Variants in NPAS3 observed in about 807,000 individuals in gnomAD.
NPAS3 encodes the protein neuronal PAS domain protein 3.
Under a neutral mutation model 73.1 loss-of-function variants are expected in NPAS3, and 14 were observed. The observed-to-expected ratio is 0.19, with a 90% confidence interval of 0.13 to 0.30. The LOEUF (loss-of-function observed/expected upper bound fraction) is 0.30, where lower values mean the gene tolerates loss of function less well. Ranked by LOEUF, NPAS3 falls within the 10% of genes least tolerant of loss-of-function variation. The pLI, the probability that NPAS3 is intolerant of heterozygous loss-of-function variation, is 1.00. For missense variants in NPAS3, 1,096 were observed against 1,250.0 expected, an observed-to-expected ratio of 0.88 and a Z score of 1.86; for synonymous variants, 620 against 541.5, an observed-to-expected ratio of 1.14 and a Z score of -2.01.
In NPAS3 at chr14:33,467,422, G is replaced by A. The variant is rs115755973; in HGVS notation, c.469-92699G>A. Among the ~76,000 whole-genome samples the A allele has an allele frequency of 9.4e-3, 1,427 of 152,280 alleles. 23 individuals carry two copies. The highest frequency in any genetic ancestry group is 0.032 in the African/African-American group (1,350 of 41,548). ...AATTAAAGTTGAGGTCTTGCTGATA[G>A]TCATTTACAGGTTAAACTACTATAC... On this transcript the variant is annotated intron_variant, in intron 4 of 11. Transcript: ENST00000356141.
At position 33,408,189 on chromosome 14, in the gene NPAS3, T is replaced by C. The variant is rs537843429; in HGVS notation, c.468+40921T>C. Among the ~76,000 whole-genome samples, 72 of 152,242 alleles carry C rather than the reference T, an allele frequency of 4.7e-4. 1 individual carries two copies. In the South Asian group the frequency reaches 0.015, roughly 31 times the overall value. On this transcript the variant is annotated intron_variant, in intron 4 of 11. Transcript: ENST00000356141. The stretch of plus-strand genomic sequence containing the variant: ...GTACTAGATGGTCCTCATTGTGAAA[T>C]CTAATTATTAAAACTTGGCTGGTTC...
intron 3 of NPAS3, among the ~76,000 whole-genome samples, chr14:33,280,208 AC>A (rs1396442533): frequency 6.6e-6 from 1 of 151,512 alleles, no homozygotes; most frequent in Non-Finnish European, 1.5e-5. Flanking sequence ...TTATAAACAT[AC>A]CCCTTTTACT....
chr14:33,177,062 G>T (rs909839108), intron 2 of NPAS3, among the ~76,000 whole-genome samples: 3 of 112,436 alleles, frequency 2.7e-5, no homozygotes, highest in Non-Finnish European at 3.7e-5. Context: ...TAATTAGGCT[G>T]TTTATCTTTT....
intron 3 of NPAS3, among the ~76,000 whole-genome samples, chr14:33,245,918 A>G (rs1184639081): frequency 2.5e-5 from 2 of 80,588 alleles, no homozygotes; most frequent in African/African-American, 8.5e-5. Flanking sequence ...TTTGTTAGCA[A>G]TAGGTGTTTT....
chr14:33,742,733 GATA>G (rs2140700133), intron 7 of NPAS3, among the ~76,000 whole-genome samples: 1 of 152,170 alleles, frequency 6.6e-6, no homozygotes, highest in East Asian at 1.9e-4. Flanking sequence ...AATGATGTTT[GATA>G]ATATTTTTCC....
At chr14:33,141,182 T>C (rs2044031296) in intron 2 of NPAS3, among the ~76,000 whole-genome samples, 1 of 152,246 alleles carries the variant, frequency 6.6e-6, no homozygotes, top group Admixed American at 6.5e-5. Flanking sequence ...GAGCAATGTA[T>C]GCTTGCTTGA....
At chr14:33,507,405 G>T (rs1339445023) in intron 4 of NPAS3, among the ~76,000 whole-genome samples, 1 of 152,030 alleles carries the variant, frequency 6.6e-6, no homozygotes, top group African/African-American at 2.4e-5. Flanking sequence ...GTAAAAAAGA[G>T]TTTTATGTCT....
chr14:33,291,118 G>A (rs779032090), intron 3 of NPAS3, among the ~76,000 whole-genome samples: 6 of 151,986 alleles, frequency 3.9e-5, no homozygotes, highest in Non-Finnish European at 8.8e-5. Context: ...TGAATTGTAG[G>A]TTCAATTCAC....
At chr14:32,962,016 G>A (rs781417466) in intron 1 of NPAS3, among the ~76,000 whole-genome samples, 13 of 152,028 alleles carry the variant, frequency 8.6e-5, no homozygotes, top group Admixed American at 5.2e-4. Flanking sequence ...CTCAAATAAT[G>A]TTCATTTGCA....
intron 2 of NPAS3, among the ~76,000 whole-genome samples, chr14:33,167,957 TCACA>T (rs1045381356): frequency 6.6e-6 from 1 of 152,224 alleles, no homozygotes; most frequent in African/African-American, 2.4e-5. Flanking sequence ...TAAATAAGTC[TCACA>T]CACAGCTTCT....
At chr14:33,769,744 G>GC (rs2062581163) in intron 7 of NPAS3, among the ~76,000 whole-genome samples, 1 of 63,412 alleles carries the variant, frequency 1.6e-5, no homozygotes, top group Admixed American at 1.5e-4. Flanking sequence ...GAAAGACTTG[G>GC]ATTTTTTTTT....
At chr14:33,572,576 A>C (rs1452538714) in intron 5 of NPAS3, among the ~76,000 whole-genome samples, 6 of 152,206 alleles carry the variant, frequency 3.9e-5, no homozygotes, top group Non-Finnish European at 8.8e-5. Flanking sequence ...ACTAGCGTTT[A>C]AACCCAGCCC....
At chr14:33,372,128 A>G (rs1270967656) in intron 4 of NPAS3, among the ~76,000 whole-genome samples, 1 of 152,216 alleles carries the variant, frequency 6.6e-6, no homozygotes, top group Non-Finnish European at 1.5e-5. Flanking sequence ...ACTAAAGTAG[A>G]GGTCAGTTCC....
intron 9 of NPAS3, among the ~76,000 whole-genome samples, chr14:33,780,441 T>G (rs2062943274): frequency 6.6e-6 from 1 of 152,096 alleles, no homozygotes; most frequent in Non-Finnish European, 1.5e-5. Context: ...ACTTCACAAA[T>G]GAATATATTG....
chr14:32,988,417 T>C (rs1370222641), intron 1 of NPAS3, among the ~76,000 whole-genome samples: 1 of 152,188 alleles, frequency 6.6e-6, no homozygotes, highest in African/African-American at 2.4e-5. Context: ...AGACACATCC[T>C]ATACATTAAA....
At chr14:33,032,625 C>T (rs1343131118) in intron 1 of NPAS3, among the ~76,000 whole-genome samples, 1 of 152,182 alleles carries the variant, frequency 6.6e-6, no homozygotes, top group Non-Finnish European at 1.5e-5. Context: ...TTTCTCCACT[C>T]TATGGATGCG....
chr14:33,666,367 G>T (rs1389701609), intron 5 of NPAS3, among the ~76,000 whole-genome samples: 1 of 152,138 alleles, frequency 6.6e-6, no homozygotes, highest in Non-Finnish European at 1.5e-5. Context: ...AGTCAGAATG[G>T]GAGTTACTGT....
At chr14:33,097,821 G>A (rs1011588924) in intron 2 of NPAS3, among the ~76,000 whole-genome samples, 20 of 151,252 alleles carry the variant, frequency 1.3e-4, no homozygotes, top group Admixed American at 3.3e-4. Context: ...GCACCTTTTC[G>A]TGTGTTTTTT....
At chr14:33,420,690 G>A (rs1399370279) in intron 4 of NPAS3, among the ~76,000 whole-genome samples, 1 of 151,856 alleles carries the variant, frequency 6.6e-6, no homozygotes, top group South Asian at 2.1e-4. Flanking sequence ...CAAGTGGAAA[G>A]CATAGGAAAT....
Sources: gnomAD v4.1 joint callset for allele counts (sites outside exome capture counted in the v4.1 genomes callset) on GRCh38, gnomAD v4.1.1 for gene constraint, MANE v1.5 for transcripts, NCBI Gene and HGNC (gene_info 2026-07-23, HGNC 2026-07-21) for gene names.